EPHB1: variants seen among roughly 807,000 people sequenced by gnomAD.
The protein encoded by EPHB1 is EPH receptor B1.
A neutral mutation model predicts 94.4 loss-of-function variants in EPHB1; 30 were observed. That is an observed-to-expected ratio of 0.32 (90% CI 0.24 to 0.43). EPHB1 has a LOEUF of 0.43. EPHB1 is among the 20% of genes least tolerant of loss of function. The pLI, the probability that EPHB1 is intolerant of heterozygous loss-of-function variation, is 1.00. For synonymous variants in EPHB1, 522 were observed against 489.1 expected (o/e 1.07, Z -0.89); for missense variants, 1,055 against 1,308.3 (o/e 0.81, Z 2.99).
chr3:134,835,311 C>T (rs1454821751), intron 1 of EPHB1, among the ~76,000 whole-genome samples: 1 of 152,216 alleles, frequency 6.6e-6, no homozygotes, highest in Non-Finnish European at 1.5e-5. Flanking sequence ...CTGGAGACCC[C>T]TTGCCTGCCT....
At chr3:135,005,305 G>A (rs1192905942) in intron 3 of EPHB1, among the ~76,000 whole-genome samples, 2 of 152,256 alleles carry the variant, frequency 1.3e-5, no homozygotes, top group East Asian at 3.8e-4. Flanking sequence ...TGAGGAGGCA[G>A]TCTGCCCATT....
At chr3:134,890,158 T>A (rs1225442069) in intron 1 of EPHB1, among the ~76,000 whole-genome samples, 1 of 152,204 alleles carries the variant, frequency 6.6e-6, no homozygotes, top group Non-Finnish European at 1.5e-5. Context: ...ACCCACTGAC[T>A]TTGACGTTTT....
At chr3:134,980,151 T>C (rs961934715) in intron 3 of EPHB1, among the ~76,000 whole-genome samples, 2 of 152,198 alleles carry the variant, frequency 1.3e-5, no homozygotes, top group Non-Finnish European at 2.9e-5. Context: ...TCCAGAGACT[T>C]ATCACATGCA....
At chr3:135,126,611 GC>G (rs1198712912) in intron 4 of EPHB1, among the ~76,000 whole-genome samples, 1 of 152,162 alleles carries the variant, frequency 6.6e-6, no homozygotes, top group Non-Finnish European at 1.5e-5. Flanking sequence ...AGAAGTGCTT[GC>G]TGGGGCTAGG....
intron 4 of EPHB1, among the ~76,000 whole-genome samples, chr3:135,112,494 T>C (rs1347840339): frequency 1.3e-5 from 2 of 151,578 alleles, no homozygotes; most frequent in African/African-American, 4.8e-5. Context: ...ACCCATTAAC[T>C]TGTCATTTAG....
At chr3:134,893,879 A>G (rs754146881) in intron 1 of EPHB1, among the ~76,000 whole-genome samples, 2 of 152,338 alleles carry the variant, frequency 1.3e-5, no homozygotes, top group Non-Finnish European at 1.5e-5. Context: ...CAGACCTAGC[A>G]GAGTGCCTCA....
chr3:135,033,604 A>G (rs1037320968), intron 3 of EPHB1, among the ~76,000 whole-genome samples: 6 of 152,238 alleles, frequency 3.9e-5, no homozygotes, highest in Non-Finnish European at 8.8e-5. Context: ...AGCACTGGGG[A>G]TTCCACAGAG....
chr3:135,004,431 T>C lies in EPHB1; in HGVS notation c.805+52379T>C, dbSNP rs550393488. On this transcript the variant is annotated intron_variant, in intron 3 of 15. Coordinates refer to ENST00000398015, the MANE Select transcript of EPHB1 (RefSeq NM_004441.5). ...TCAACTTTGGTGAATCTGACACTTA[T>C]GTGTCTTGGAGTTGCTCTTCTCCAG... Among the ~76,000 whole-genome samples the C allele has an allele frequency of 5.2e-3, 796 of 152,258 alleles. 5 individuals carry two copies. Among genetic ancestry groups the C allele is most frequent in the African/African-American group, 0.018 (761 of 41,518 alleles).
chr3:135,201,242 G>A (rs1942745063), intron 11 of EPHB1, among the ~76,000 whole-genome samples: 1 of 151,838 alleles, frequency 6.6e-6, no homozygotes, highest in Non-Finnish European at 1.5e-5. Context: ...GGAAAGAAGT[G>A]AATGGGTTTG....
At chr3:134,810,584 A>G (rs536215682) in intron 1 of EPHB1, among the ~76,000 whole-genome samples, 1 of 152,324 alleles carries the variant, frequency 6.6e-6, no homozygotes, top group East Asian at 1.9e-4. Flanking sequence ...TAGTATTGTC[A>G]TAATGTATCA....
intron 4 of EPHB1, among the ~76,000 whole-genome samples, chr3:135,112,529 T>C (rs1939494509): frequency 8.6e-6 from 1 of 116,754 alleles, no homozygotes. Flanking sequence ...CCTAATGCTA[T>C]CCCTCCCCCC....
chr3:134,886,986 A>G (rs143829188), intron 1 of EPHB1, among the ~76,000 whole-genome samples: 130 of 152,346 alleles, frequency 8.5e-4, no homozygotes, highest in African/African-American at 2.9e-3. Flanking sequence ...TTGGAGATAT[A>G]TAATCATGGA....
At chr3:135,234,605 AC>A (rs1943605298) in intron 12 of EPHB1, among the ~76,000 whole-genome samples, 1 of 152,200 alleles carries the variant, frequency 6.6e-6, no homozygotes, top group Non-Finnish European at 1.5e-5. Context: ...CATACCCAAG[AC>A]AGGGTAATTT....
chr3:135,151,053 T>G (rs1350143553), intron 5 of EPHB1, among the ~76,000 whole-genome samples: 2 of 152,238 alleles, frequency 1.3e-5, no homozygotes, highest in African/African-American at 4.8e-5. Flanking sequence ...AGATTCAGAA[T>G]CTGCCTACTG....
At chr3:135,090,107 G>T (rs953558425) in intron 3 of EPHB1, among the ~76,000 whole-genome samples, 8 of 152,228 alleles carry the variant, frequency 5.3e-5, no homozygotes, top group African/African-American at 1.9e-4. Flanking sequence ...TCTCAGGAGA[G>T]AATGTGACTA....
At chr3:134,865,139 CT>C (rs1332308817) in intron 1 of EPHB1, among the ~76,000 whole-genome samples, 1 of 151,904 alleles carries the variant, frequency 6.6e-6, no homozygotes, top group Non-Finnish European at 1.5e-5. Context: ...GGATAGATAT[CT>C]ATATATCTGA....
chr3:135,164,559 A>G (rs1941597801), intron 7 of EPHB1, among the ~76,000 whole-genome samples: 1 of 152,186 alleles, frequency 6.6e-6, no homozygotes, highest in Non-Finnish European at 1.5e-5. Context: ...CTCTAATCCC[A>G]GCACTTTGGG....
chr3:135,185,136 TC>T (rs1942296011), intron 10 of EPHB1, among the ~76,000 whole-genome samples: 1 of 152,248 alleles, frequency 6.6e-6, no homozygotes, highest in Admixed American at 6.5e-5. Flanking sequence ...ATTCAACATT[TC>T]CAGGAATGGA....
In EPHB1 at chr3:135,020,057, C is replaced by A. The variant is rs139124093; in HGVS notation, c.805+68005C>A. On this transcript the variant is annotated intron_variant, in intron 3 of 15. Coordinates refer to ENST00000398015, the MANE Select transcript of EPHB1 (RefSeq NM_004441.5). ...GCATTGAGCATTACTGCTTCTTAAA[C>A]CTCTGCTAACTTGGTACAACAAACG... 6.9e-4 allele frequency among the ~76,000 whole-genome samples: 105 copies of A among 152,340 alleles called. 3 individuals carry two copies. The East Asian group carries it at 0.018, about 26-fold the overall frequency.
Sources: gnomAD v4.1 joint callset for allele counts (sites outside exome capture counted in the v4.1 genomes callset) on GRCh38, gnomAD v4.1.1 for gene constraint, MANE v1.5 for transcripts, NCBI Gene and HGNC (gene_info 2026-07-23, HGNC 2026-07-21) for gene names.